The following ADCY3 variants were observed in gnomAD, a reference collection of about 807,000 sequenced individuals.
The protein encoded by ADCY3 is adenylate cyclase type 3.
ADCY3 carries 70 observed loss-of-function variants against 119.4 expected under a neutral mutation model. The observed-to-expected ratio is 0.59, with a 90% CI of 0.48 to 0.72. ADCY3 has a LOEUF of 0.72. Ranked by LOEUF, ADCY3 falls within the 30% of genes least tolerant of loss-of-function variation. The probability of loss-of-function intolerance (pLI) is 0.00; values close to 1 mark genes in which losing one functional copy is unlikely to be tolerated. For synonymous variants in ADCY3, 672 were observed against 621.4 expected (o/e 1.08, Z -1.21); for missense variants, 1,238 against 1,541.6 (o/e 0.80, Z 3.30).
chr2:24,855,654 G>GA (rs1310711818), intron 3 of ADCY3, among the ~76,000 whole-genome samples: 1 of 152,178 alleles, frequency 6.6e-6, no homozygotes, highest in South Asian at 2.1e-4. Flanking sequence ...AAAGTCCAGA[G>GA]AAAAAACAAC....
At chr2:24,859,976 G>A (rs1162190644) in intron 3 of ADCY3, among the ~76,000 whole-genome samples, 2 of 152,184 alleles carry the variant, frequency 1.3e-5, no homozygotes, top group Non-Finnish European at 2.9e-5. Flanking sequence ...TCTGAGGGTG[G>A]GCACTGTGGA....
In ADCY3 at chr2:24,872,561, G is replaced by C. The variant is rs1455981564; in HGVS notation, c.825+9C>G. On this transcript the variant is annotated intron_variant, in intron 3 of 21. Transcript: ENST00000679454. The surrounding 1 kb of genome is among the most constrained non-coding windows in gnomAD (Gnocchi z 4.4). ...AAGCTCCAGGCCCGAGGCCTCCCGA[G>C]AGCCTCACCTGCTGCTGGCTCTGCT... 4.3e-6 allele frequency: 7 copies of C among 1,613,314 alleles called. No individual in the cohort carries two copies. Among genetic ancestry groups the C allele is most frequent in the African/African-American group, 1.3e-5 (1 of 74,924 alleles).
At chr2:24,876,118 G>C (rs188263675) in intron 2 of ADCY3, among the ~76,000 whole-genome samples, 2 of 152,128 alleles carry the variant, frequency 1.3e-5, no homozygotes, top group African/African-American at 4.8e-5. Context: ...TCAGCCTCTT[G>C]AGTAGCTGGG....
intron 2 of ADCY3, among the ~76,000 whole-genome samples, chr2:24,881,661 G>C (rs1676416256): frequency 6.6e-6 from 1 of 152,256 alleles, no homozygotes; most frequent in African/African-American, 2.4e-5. Context: ...AACGTGAGCT[G>C]TGTGAACAGC....
At chr2:24,832,680 C>T (rs991556594) in intron 11 of ADCY3, among the ~76,000 whole-genome samples, 28 of 152,202 alleles carry the variant, frequency 1.8e-4, no homozygotes, top group Non-Finnish European at 2.2e-4. Flanking sequence ...CATCTGGACA[C>T]GCTGCCTTGA....
intron 2 of ADCY3, among the ~76,000 whole-genome samples, chr2:24,912,002 A>G (rs1252132206): frequency 6.6e-6 from 1 of 152,216 alleles, no homozygotes; most frequent in Non-Finnish European, 1.5e-5. Context: ...AATGGAAATA[A>G]TATTTGCCTC....
At chr2:24,820,605 CTGCCTCTGGACTT>C in intron 21 of ADCY3, 106 bp downstream of exon 21, 30 of 1,512,010 alleles carry the variant, frequency 2.0e-5, no homozygotes, top group Non-Finnish European at 2.7e-5. Flanking sequence ...CCCCACGTCT[CTGCCTCTGGACTT>C]ACTGTTCAGG....
intron 3 of ADCY3, among the ~76,000 whole-genome samples, chr2:24,853,874 G>A (rs1223577396): frequency 4.6e-5 from 7 of 152,136 alleles, no homozygotes; most frequent in Admixed American, 2.0e-4. Context: ...CATACATACT[G>A]ATTCATATAT....
rs574358921 is a variant in ADCY3 at position 24,834,750 on chromosome 2, C to T, written c.1805+44G>A. On this transcript the variant is annotated intron_variant, in intron 10 of 21. Transcript: ENST00000679454. The surrounding 1 kb of genome is among the most constrained non-coding windows in gnomAD (Gnocchi z 4.2). ...CAGTTTCCTGAATCCCTTGTCAGGG[C>T]CCGGGAGGAGTGGTGGGCCTGGACG... 18 of 1,602,544 alleles carry T rather than the reference C, an allele frequency of 1.1e-5. No individual in the cohort carries two copies. Among genetic ancestry groups the T allele is most frequent in the Middle Eastern group, 1.7e-4 (1 of 5,784 alleles).
intron 7 of ADCY3, 73 bp from the exon 8 acceptor site, chr2:24,838,695 A>G (rs1670616991): frequency 6.3e-7 from 1 of 1,599,304 alleles, no homozygotes; most frequent in African/African-American, 1.3e-5. Flanking sequence ...CAGTCCACGG[A>G]CCACGGCTGC....
Position 24,872,466 on chromosome 2 carries a change from C to A in ADCY3, c.825+104G>T. ...ACACCTGAACAGGGTGGATGAACGC[C>A]AAGCCCCACGGAGCCAGGGGCTGCC... On this transcript the variant is annotated intron_variant, in intron 3 of 21. Transcript: ENST00000679454. The surrounding 1 kb of genome is among the most constrained non-coding windows in gnomAD (Gnocchi z 4.4). 6.4e-6 allele frequency: 9 copies of A among 1,411,594 alleles called. No homozygotes were observed. The highest frequency in any genetic ancestry group is 8.7e-6 in the Non-Finnish European group (9 of 1,038,578). The allele number at this position is 1,411,594 out of a possible 1,614,324, so 87.4% of individuals were successfully genotyped here. A position where few individuals can be genotyped will look rare whatever the true frequency, so the allele number is the denominator to read the frequency against.
At chr2:24,830,926 G>A (rs1395269556) in intron 12 of ADCY3, 101 bp from the exon 13 acceptor site, 38 of 936,782 alleles carry the variant, frequency 4.1e-5, no homozygotes, top group Admixed American at 6.1e-5. Flanking sequence ...CCAGTCCCAG[G>A]AGCCTCAAAA....
At chr2:24,823,467 C>T (rs1358968293) in intron 17 of ADCY3, 112 bp from the exon 18 acceptor site, 9 of 1,111,056 alleles carry the variant, frequency 8.1e-6, no homozygotes, top group South Asian at 1.6e-5. Context: ...TTTTTGGACT[C>T]ACACATCAGT....
chr2:24,868,852 T>TA (rs35609705), intron 3 of ADCY3, among the ~76,000 whole-genome samples: 56,340 of 144,230 alleles, frequency 0.39, 10,832 homozygotes, highest in East Asian at 0.47. Context: ...CCACCTCTAC[T>TA]AAAAAAAAAA....
intron 17 of ADCY3, 151 bp downstream of exon 17, chr2:24,824,227 T>A: frequency 1.0e-6 from 1 of 958,874 alleles, no homozygotes. Context: ...ATTCCTCTTT[T>A]GCTTATTTGT....
chr2:24,868,949 G>A (rs996322201), intron 3 of ADCY3, among the ~76,000 whole-genome samples: 2 of 150,560 alleles, frequency 1.3e-5, no homozygotes, highest in South Asian at 2.1e-4. Context: ...GCGTGAACCC[G>A]GGAGGCAGAG....
chr2:24,874,430 C>T lies in ADCY3; in HGVS notation c.676-1711G>A, dbSNP rs537246649. Among the ~76,000 whole-genome samples, 5 of 152,322 alleles carry T rather than the reference C, an allele frequency of 3.3e-5. No individual in the cohort carries two copies. In the South Asian group the frequency reaches 6.2e-4, roughly 19 times the overall value. On this transcript the variant is annotated intron_variant, in intron 2 of 21. Transcript: ENST00000679454. Reference sequence around the variant, plus strand: ...TGTCCTCAGGCCACCCAGTCAACACCTGAATGGCCAGCCTTATTGGGGCCA... The same window carrying T: ...TGTCCTCAGGCCACCCAGTCAACACTTGAATGGCCAGCCTTATTGGGGCCA...
chr2:24,902,032 C>CTG (rs1491497508), intron 2 of ADCY3, among the ~76,000 whole-genome samples: 3 of 122,836 alleles, frequency 2.4e-5, no homozygotes, highest in African/African-American at 3.5e-5. Context: ...CACATTTTAA[C>CTG]TCTGTGTGTG....
intron 2 of ADCY3, among the ~76,000 whole-genome samples, chr2:24,885,335 A>C (rs1213044862): frequency 6.6e-6 from 1 of 152,136 alleles, no homozygotes; most frequent in African/African-American, 2.4e-5. Flanking sequence ...TTATGGCGGG[A>C]CCAGGAGTGG....
Sources: allele counts gnomAD v4.1 joint callset (sites outside exome capture counted in the v4.1 genomes callset), GRCh38; gene constraint gnomAD v4.1.1; non-coding constraint Gnocchi (gnomAD v3.1); transcripts MANE v1.5; gene names NCBI Gene and HGNC (gene_info 2026-07-23, HGNC 2026-07-21).